The following ZNF536 variants were observed in gnomAD, a reference collection of about 807,000 sequenced individuals.
The protein encoded by ZNF536 is zinc finger protein 536.
A neutral mutation model predicts 84.5 loss-of-function variants in ZNF536; 13 were observed. The ratio of observed to expected loss-of-function variants is 0.15; its 90% CI spans 0.10 to 0.24. The LOEUF (loss-of-function observed/expected upper bound fraction) is 0.24, where lower values mean the gene tolerates loss of function less well. ZNF536 is among the 10% of genes least tolerant of loss of function. The probability of loss-of-function intolerance (pLI) is 1.00; values close to 1 mark genes in which losing one functional copy is unlikely to be tolerated. For synonymous variants in ZNF536, 811 were observed against 742.5 expected, an observed-to-expected ratio of 1.09 and a Z score of -1.50; for missense variants, 1,536 against 1,747.5, an observed-to-expected ratio of 0.88 and a Z score of 2.16.
intron 3 of ZNF536, among the ~76,000 whole-genome samples, chr19:30,546,039 G>A (rs1188311924): frequency 6.6e-6 from 1 of 152,178 alleles, no homozygotes; most frequent in Non-Finnish European, 1.5e-5. Flanking sequence ...AGGCTTGCCT[G>A]CTGTGGGCCC....
At chr19:30,460,056 T>C (rs2053061973) in intron 2 of ZNF536, among the ~76,000 whole-genome samples, 1 of 152,164 alleles carries the variant, frequency 6.6e-6, no homozygotes, top group South Asian at 2.1e-4. Context: ...ATGGCTGCCA[T>C]AGCTCACACC....
intron 1 of ZNF536, among the ~76,000 whole-genome samples, chr19:30,666,310 G>T (rs925753575): frequency 6.6e-6 from 1 of 152,174 alleles, no homozygotes; most frequent in East Asian, 1.9e-4. Context: ...AGGCCCTGCT[G>T]CTGGGTTCCT....
intron 2 of ZNF536, among the ~76,000 whole-genome samples, chr19:30,307,968 C>T (rs1006938883): frequency 3.3e-5 from 5 of 152,218 alleles, no homozygotes; most frequent in Non-Finnish European, 7.3e-5. Flanking sequence ...CAGTAATTGG[C>T]ATGGAGGTCT....
At chr19:30,630,527 C>T (rs371408577) in intron 1 of ZNF536, among the ~76,000 whole-genome samples, 1 of 152,152 alleles carries the variant, frequency 6.6e-6, no homozygotes, top group Non-Finnish European at 1.5e-5. Flanking sequence ...AAGGAGACCC[C>T]GGGCAGGAAC....
At chr19:30,297,069 G>T (rs867199249) in intron 2 of ZNF536, among the ~76,000 whole-genome samples, 1 of 152,228 alleles carries the variant, frequency 6.6e-6, no homozygotes, top group Admixed American at 6.5e-5. Context: ...CCAGAACGGT[G>T]CTGCTTCCCC....
Position 30,657,066 on chromosome 19 carries a change from G to T in ZNF536, c.170-53691G>T, listed in dbSNP as rs1279353595. On this transcript the variant is annotated intron_variant, in intron 1 of 1. Coordinates refer to the ZNF536 transcript ENST00000592773. ...AAACCACAGAGATGCTGGCATTGCT[G>T]GTGTGAAAAGTGTAGAAAGAATACA... Among the ~76,000 whole-genome samples, 5 of 152,146 alleles carry T rather than the reference G, an allele frequency of 3.3e-5. No homozygotes were observed. In the East Asian group the frequency reaches 9.6e-4, roughly 29 times the overall value.
In ZNF536 at chr19:30,549,241, A is replaced by G. The variant is rs2146245758; in HGVS notation, c.3622A>G (p.Ser1208Gly). ...AGACAGCAGCAGCGATGGCGGGGAC[A>G]GCCTGCAGCCCACAGGCACCTCCCA... The part of the protein sequence containing the change: ...SKDSSSDGGD[S>G]LQPTGTSQPV... The change falls in exon 4 of 5, where the codon AGC (serine) becomes GGC (glycine). Residue 1208 changes from serine (S) to glycine (G), a missense_variant. Coordinates refer to ENST00000355537, the MANE Select transcript of ZNF536 (RefSeq NM_014717.3). The G allele has an allele frequency of 6.2e-7, 1 of 1,614,026 alleles. No homozygotes were observed. The highest frequency in any genetic ancestry group is 2.2e-5 in the East Asian group (1 of 44,890).
intron 1 of ZNF536, among the ~76,000 whole-genome samples, chr19:30,619,082 G>A (rs2048394882): frequency 6.6e-6 from 1 of 152,080 alleles, no homozygotes; most frequent in South Asian, 2.1e-4. Flanking sequence ...AATGTACATT[G>A]TACCCACCAC....
rs570875286 is a variant in ZNF536, at chr19:30,623,394, G to A, written c.169+73880G>A. 3.9e-5 allele frequency among the ~76,000 whole-genome samples: 6 copies of A among 152,318 alleles called. No homozygotes were observed. In the South Asian group the frequency reaches 8.3e-4, roughly 21 times the overall value. The stretch of plus-strand genomic sequence containing the variant: ...CACTGCTATGCTCAGATTCTTGGGG[G>A]CTCCCAATGCCTCTAGAGCCAAGGC... On this transcript the variant is annotated intron_variant, in intron 1 of 1. Transcript: ENST00000592773.
At chr19:30,675,349 A>G (rs2050715392) in intron 1 of ZNF536, among the ~76,000 whole-genome samples, 1 of 152,170 alleles carries the variant, frequency 6.6e-6, no homozygotes, top group Non-Finnish European at 1.5e-5. Context: ...TGGACCCCTC[A>G]AAGGTGTCCG....
At chr19:30,642,388 G>T (rs2049299681) in intron 1 of ZNF536, among the ~76,000 whole-genome samples, 2 of 152,136 alleles carry the variant, frequency 1.3e-5, no homozygotes, top group Admixed American at 6.5e-5. Flanking sequence ...TTCCCTGGGG[G>T]TTGACAGTCT....
At chr19:30,595,894 G>A (rs2047446424) in intron 1 of ZNF536, among the ~76,000 whole-genome samples, 1 of 152,170 alleles carries the variant, frequency 6.6e-6, no homozygotes, top group Non-Finnish European at 1.5e-5. Flanking sequence ...CCCAGGGGAG[G>A]AAGAGGGACA....
chr19:30,534,876 G>A lies in ZNF536; in HGVS notation c.2200G>A (p.Gly734Ser), dbSNP rs772214442. The change falls in exon 3 of 5, where the codon GGC (glycine) becomes AGC (serine). Residue 734 changes from glycine to serine, a missense_variant. Physicochemically the swap from Gly to Ser is moderately conservative, Grantham distance 56. Transcript: ENST00000355537. ...TGGCGAGGAGGCTGGGAGATCTGCCGGCGTCCAGCAACCAGCGCTGCTTCG... is the reference window on the plus strand; with the variant it reads ...TGGCGAGGAGGCTGGGAGATCTGCCAGCGTCCAGCAACCAGCGCTGCTTCG... ...DIGEEAGRSA[G>S]VQQPALLRDR... 6.2e-6 allele frequency: 10 copies of A among 1,613,298 alleles called. No individual in the cohort carries two copies. The highest frequency in any genetic ancestry group is 4.4e-5 in the South Asian group (4 of 90,906).
At position 30,673,017 on chromosome 19, in the gene ZNF536, C is replaced by T. The variant is rs569196340; in HGVS notation, c.170-37740C>T. Among the ~76,000 whole-genome samples, 5 of 152,288 alleles carry T rather than the reference C, an allele frequency of 3.3e-5. No individual in the cohort carries two copies. In the South Asian group the frequency reaches 1.0e-3, roughly 32 times the overall value. On this transcript the variant is annotated intron_variant, in intron 1 of 1. Coordinates refer to the ZNF536 transcript ENST00000592773. ...CCAATAAGAGCCCATGACTGGAGAA[C>T]CCCCTTGGCCAGAAAGCCCCATATG...
chr19:30,355,601 G>A (rs2048069313), intron 3 of ZNF536, among the ~76,000 whole-genome samples: 1 of 151,898 alleles, frequency 6.6e-6, no homozygotes, highest in South Asian at 2.1e-4. Context: ...TTTTTCCCAG[G>A]CTGGTCTTGA....
chr19:30,463,022 T>C (rs1208075430), intron 2 of ZNF536, among the ~76,000 whole-genome samples: 1 of 142,016 alleles, frequency 7.0e-6, no homozygotes, highest in African/African-American at 2.5e-5. Context: ...ATGTGTGTGT[T>C]GAGATGCCTG....
intron 3 of ZNF536, among the ~76,000 whole-genome samples, chr19:30,357,885 C>T (rs2048150219): frequency 6.6e-6 from 1 of 152,166 alleles, no homozygotes; most frequent in Non-Finnish European, 1.5e-5. Context: ...TATTGCTCAC[C>T]TCTTCCTTGT....
intron 1 of ZNF536, among the ~76,000 whole-genome samples, chr19:30,380,964 A>G (rs2048999368): frequency 6.6e-6 from 1 of 152,078 alleles, no homozygotes. Context: ...GCAGCCTCCA[A>G]CTCCTGGGCT....
rs138140398 is a variant in ZNF536, at chr19:30,577,911, G to C, written c.169+28397G>C. Among the ~76,000 whole-genome samples the C allele has an allele frequency of 3.3e-3, 497 of 152,328 alleles. 2 individuals are homozygous for C. The highest frequency in any genetic ancestry group is 4.5e-3 in the Non-Finnish European group (306 of 68,038). On this transcript the variant is annotated intron_variant, in intron 1 of 1. Transcript: ENST00000592773. ...TGAAGCTCATTAAAATCAGACTCAA[G>C]TTTCCTGTGGTGGGGATGAAGAGAG...
Sources: gnomAD v4.1 joint callset for allele counts (sites outside exome capture counted in the v4.1 genomes callset) on GRCh38, gnomAD v4.1.1 for gene constraint, MANE v1.5 for transcripts, NCBI Gene and HGNC (gene_info 2026-07-23, HGNC 2026-07-21) for gene names.